C5orf46: variants seen among roughly 807,000 people sequenced by gnomAD.
C5orf46 encodes uncharacterized protein C5orf46.
A neutral mutation model predicts 8.9 loss-of-function variants in C5orf46; 9 were observed. The ratio of observed to expected loss-of-function variants is 1.01; its 90% CI spans 0.61 to 1.76. The LOEUF is 1.76. Among genes scored for constraint, C5orf46 ranks in the 40% most tolerant of loss-of-function variants. The probability of loss-of-function intolerance (pLI) is 0.00; values close to 1 mark genes in which losing one functional copy is unlikely to be tolerated. For synonymous variants in C5orf46, 47 were observed against 41.4 expected (o/e 1.14, Z -0.52); for missense variants, 98 against 107.8 (o/e 0.91, Z 0.40).
intron 1 of C5orf46, among the ~76,000 whole-genome samples, chr5:147,905,898 G>A (rs1757743607): frequency 6.6e-6 from 1 of 152,144 alleles, no homozygotes; most frequent in Admixed American, 6.5e-5. Flanking sequence ...ACAATAGCAG[G>A]TAGTATTTAT....
chr5:147,896,491 G>A (rs888785080), intron 3 of C5orf46, among the ~76,000 whole-genome samples: 2 of 152,122 alleles, frequency 1.3e-5, no homozygotes, highest in South Asian at 4.1e-4. Context: ...GCATTTTCAG[G>A]AGAGACCCGA....
At chr5:147,904,013 G>A (rs1418520266) in intron 1 of C5orf46, among the ~76,000 whole-genome samples, 1 of 152,118 alleles carries the variant, frequency 6.6e-6, no homozygotes, top group Non-Finnish European at 1.5e-5. Context: ...CTCCTGAAGT[G>A]CTGGGGTCAC....
chr5:147,905,286 T>G (rs6580507), intron 1 of C5orf46, among the ~76,000 whole-genome samples: 27,239 of 152,166 alleles, frequency 0.18, 3,701 homozygotes, highest in African/African-American at 0.39. Flanking sequence ...AAAAGCATAT[T>G]CATTTGACCT....
chr5:147,894,775 G>T (rs1561630053), intron 3 of C5orf46, among the ~76,000 whole-genome samples: 1 of 151,660 alleles, frequency 6.6e-6, no homozygotes, highest in Non-Finnish European at 1.5e-5. Context: ...AAAAAGGGAG[G>T]GATCGGCCGG....
At chr5:147,889,532 TAAA>T (rs1757471529), downstream of C5orf46, among the ~76,000 whole-genome samples, 3 of 152,256 alleles carry the variant, frequency 2.0e-5, no homozygotes, top group South Asian at 6.2e-4. Flanking sequence ...TAGTACATAT[TAAA>T]AAGTAATTCC....
intron 2 of C5orf46, among the ~76,000 whole-genome samples, 177 bp from the exon 3 acceptor site, chr5:147,897,218 A>T (rs545263707): frequency 1.3e-5 from 2 of 152,322 alleles, no homozygotes; most frequent in East Asian, 3.9e-4. Flanking sequence ...TAATTTATGC[A>T]TAATTATCTT....
At chr5:147,887,283 T>C (rs1189422908) in intron 2 of C5orf46, 1 of 152,188 alleles carries the variant, frequency 6.6e-6, no homozygotes, top group Non-Finnish European at 1.5e-5. Context: ...GCAAGGTAGA[T>C]AATGAGAAAT....
chr5:147,887,594 G>A (rs1298082723), intron 2 of C5orf46: 1 of 152,110 alleles, frequency 6.6e-6, no homozygotes, highest in Non-Finnish European at 1.5e-5. Flanking sequence ...GAAGCATACA[G>A]TAATAAATTG....
At chr5:147,888,212 T>C (rs1178404552), downstream of C5orf46, among the ~76,000 whole-genome samples, 1 of 152,178 alleles carries the variant, frequency 6.6e-6, no homozygotes, top group Non-Finnish European at 1.5e-5. Flanking sequence ...CTTGAATCCT[T>C]CCACATGGTT....
downstream of C5orf46, among the ~76,000 whole-genome samples, chr5:147,889,083 A>G (rs77151267): frequency 7.0e-3 from 1,067 of 152,174 alleles, 11 homozygotes; most frequent in African/African-American, 0.024. Context: ...ATATATAAAT[A>G]TTAGTGCATG....
In C5orf46 at chr5:147,896,986, G is replaced by A. The variant is rs748997973; in HGVS notation, c.*7C>T. 6 of 1,479,142 alleles carry A rather than the reference G, an allele frequency of 4.1e-6. No homozygotes were observed. Among genetic ancestry groups the A allele is most frequent in the Non-Finnish European group, 5.6e-6 (6 of 1,074,718 alleles). The allele number at this position is 1,479,142 out of a possible 1,614,324, so 91.6% of individuals were successfully genotyped here. ...GTAAATTTTAAGTGAAAAATCACCT[G>A]AGGATGTCACTTTGATGAATGTTTT... On this transcript the variant is annotated splice_region_variant and 3_prime_UTR_variant, in exon 3 of 4. Coordinates refer to ENST00000318315, the MANE Select transcript of C5orf46 (RefSeq NM_206966.3).
At chr5:147,900,549 T>C (rs1230214837) in intron 2 of C5orf46, among the ~76,000 whole-genome samples, 1 of 152,242 alleles carries the variant, frequency 6.6e-6, no homozygotes, top group African/African-American at 2.4e-5. Context: ...GGCCCATCCA[T>C]GCAACCCAGA....
At chr5:147,898,237 A>G (rs918731629) in intron 2 of C5orf46, among the ~76,000 whole-genome samples, 1 of 152,172 alleles carries the variant, frequency 6.6e-6, no homozygotes, top group Non-Finnish European at 1.5e-5. Context: ...AAAGGACTCA[A>G]CTTGACCAAC....
intron 3 of C5orf46, among the ~76,000 whole-genome samples, chr5:147,894,077 A>G (rs1257450676): frequency 6.6e-6 from 1 of 152,188 alleles, no homozygotes; most frequent in Non-Finnish European, 1.5e-5. Flanking sequence ...TGACTGAGCA[A>G]GTCTAAGCAT....
chr5:147,891,859 G>A (rs1173772527), downstream of C5orf46, among the ~76,000 whole-genome samples: 1 of 152,182 alleles, frequency 6.6e-6, no homozygotes, highest in Non-Finnish European at 1.5e-5. Flanking sequence ...TCAACATTTA[G>A]TAGGAATTCA....
At chr5:147,897,801 A>G (rs192822716) in intron 2 of C5orf46, among the ~76,000 whole-genome samples, 108 of 152,300 alleles carry the variant, frequency 7.1e-4, no homozygotes, top group African/African-American at 2.4e-3. Flanking sequence ...AGACTTGCCA[A>G]GTGAACAGAG....
In C5orf46 at chr5:147,901,610, C is replaced by T. The variant is rs1405168410; in HGVS notation, c.215+19G>A. On this transcript the variant is annotated intron_variant, in intron 2 of 3. Transcript: ENST00000318315. ...CAACAGAGAATTGGACAAAAAGCAA[C>T]GTTTTTCTCAGTGCTTACGTGCTCC... is the stretch of plus-strand genomic sequence containing the variant. The T allele has an allele frequency of 2.5e-6, 4 of 1,607,680 alleles. No individual in the cohort carries two copies. Among genetic ancestry groups the T allele is most frequent in the Non-Finnish European group, 2.5e-6 (3 of 1,176,612 alleles).
intron 2 of C5orf46, among the ~76,000 whole-genome samples, chr5:147,898,532 T>C (rs922565821): frequency 6.6e-6 from 1 of 152,132 alleles, no homozygotes; most frequent in African/African-American, 2.4e-5. Flanking sequence ...TTATTCCATC[T>C]GGAGCTCAGG....
Position 147,896,985 on chromosome 5 carries a change from TG to T in C5orf46, c.*7del. 1 of 1,477,288 alleles carries T rather than the reference TG, an allele frequency of 6.8e-7. No homozygotes were observed. Among genetic ancestry groups the T allele is most frequent in the Non-Finnish European group, 9.3e-7 (1 of 1,072,984 alleles). 91.5% of individuals were successfully genotyped at this position (1,477,288 alleles called of 1,614,324 possible). On this transcript the variant is annotated splice_region_variant and 3_prime_UTR_variant, in exon 3 of 4. Transcript: ENST00000318315. ...TGTAAATTTTAAGTGAAAAATCACC[TG>T]AGGATGTCACTTTGATGAATGTTTT...
Sources: gnomAD v4.1 joint callset for allele counts (sites outside exome capture counted in the v4.1 genomes callset) on GRCh38, gnomAD v4.1.1 for gene constraint, MANE v1.5 for transcripts, NCBI Gene and HGNC (gene_info 2026-07-23, HGNC 2026-07-21) for gene names.